The following DOCK8 variants were observed in gnomAD, a reference collection of about 807,000 sequenced individuals.
DOCK8 encodes the protein dedicator of cytokinesis protein 8.
In DOCK8, 141 loss-of-function variants were observed where a neutral mutation model predicts 245.6. The ratio of observed to expected loss-of-function variants is 0.57; its 90% confidence interval spans 0.50 to 0.66. DOCK8 has a LOEUF of 0.66. Ranked by LOEUF, DOCK8 falls within the 30% of genes least tolerant of loss-of-function variation. DOCK8 has a pLI of 0.00. For synonymous variants in DOCK8, 1,168 were observed against 970.2 expected, an observed-to-expected ratio of 1.20 and a Z score of -3.79; for missense variants, 2,965 against 2,603.4, an observed-to-expected ratio of 1.14 and a Z score of -3.02.
intron 4 of DOCK8, among the ~76,000 whole-genome samples, chr9:301,658 A>G (rs1452319456): frequency 6.6e-6 from 1 of 152,264 alleles, no homozygotes; most frequent in Non-Finnish European, 1.5e-5. Context: ...AAGTTTCAGG[A>G]TACAAAATCA....
At position 289,462 on chromosome 9, in the gene DOCK8, T is replaced by C. The variant is rs756468984; in HGVS notation, c.333-48T>C. The stretch of plus-strand genomic sequence containing the variant: ...TTGCTCATGATTAGGGGTTGTTTTG[T>C]TGTTTTACCCAGTAATAACGTGTTT... On this transcript the variant is annotated intron_variant, in intron 3 of 47. Coordinates refer to ENST00000432829, the MANE Select transcript of DOCK8 (RefSeq NM_203447.4). 15 of 1,489,350 alleles carry C rather than the reference T, an allele frequency of 1.0e-5. No homozygotes were observed. In the East Asian group the frequency reaches 3.4e-4, roughly 34 times the overall value. The allele number at this position is 1,489,350 out of a possible 1,614,324, so 92.3% of individuals were successfully genotyped here. A position where few individuals can be genotyped will look rare whatever the true frequency, so the allele number is the denominator to read the frequency against.
intron 7 of DOCK8, among the ~76,000 whole-genome samples, chr9:318,979 G>A (rs559895286): frequency 1.3e-5 from 2 of 152,316 alleles, no homozygotes; most frequent in African/African-American, 4.8e-5. Context: ...TGGTCACTAA[G>A]AGAGATATGT....
chr9:237,287 G>C (rs2047275282), intron 1 of DOCK8, among the ~76,000 whole-genome samples: 1 of 152,246 alleles, frequency 6.6e-6, no homozygotes. Flanking sequence ...GAGGAGACAA[G>C]AAGAATACAA....
chr9:306,904 T>G (rs916714770), intron 5 of DOCK8, among the ~76,000 whole-genome samples: 2 of 152,130 alleles, frequency 1.3e-5, no homozygotes, highest in Non-Finnish European at 2.9e-5. Flanking sequence ...GCTGGTGGTG[T>G]TGTCTCAAGA....
At chr9:347,342 A>G (rs2051942694) in intron 14 of DOCK8, among the ~76,000 whole-genome samples, 2 of 151,988 alleles carry the variant, frequency 1.3e-5, no homozygotes, top group African/African-American at 2.4e-5. Context: ...TGTCTCTACA[A>G]CAACAACAAA....
chr9:255,939 T>C lies in DOCK8; in HGVS notation c.54-15688T>C, dbSNP rs567307770. ...CCTGCTTGATCCGTAATTCAGGCCA[T>C]ACGATTTCACCAAAACAAATATCCT... On this transcript the variant is annotated intron_variant, in intron 1 of 47. Coordinates refer to ENST00000432829, the MANE Select transcript of DOCK8 (RefSeq NM_203447.4). Among the ~76,000 whole-genome samples the C allele has an allele frequency of 2.0e-5, 3 of 152,302 alleles. No homozygotes were observed. In the South Asian group the frequency reaches 6.2e-4, roughly 32 times the overall value.
Position 398,294 on chromosome 9 carries a change from T to C in DOCK8, c.3121-852T>C, listed in dbSNP as rs2054558684. Among the ~76,000 whole-genome samples the C allele has an allele frequency of 2.6e-5, 4 of 152,334 alleles. No individual in the cohort carries two copies. The South Asian group carries it at 8.3e-4, about 32-fold the overall frequency. On this transcript the variant is annotated intron_variant, in intron 25 of 47. Coordinates refer to ENST00000432829, the MANE Select transcript of DOCK8 (RefSeq NM_203447.4). ...AGAATGCGGAGAGAGTTCGAGGACC[T>C]CTCAGCGGCACGGTAGCAACCTCTT...
chr9:234,952 C>G (rs527390915), intron 1 of DOCK8, among the ~76,000 whole-genome samples: 1 of 152,322 alleles, frequency 6.6e-6, no homozygotes, highest in East Asian at 1.9e-4. Flanking sequence ...AGCTGCGTTC[C>G]TTTGCAGGAG....
At chr9:359,062 G>A (rs1336737977) in intron 14 of DOCK8, among the ~76,000 whole-genome samples, 1 of 152,186 alleles carries the variant, frequency 6.6e-6, no homozygotes, top group African/African-American at 2.4e-5. Flanking sequence ...CAGGTCCATG[G>A]TGCATTTCTA....
intron 16 of DOCK8, 68 bp from the exon 17 acceptor site, chr9:371,360 C>T (rs569474557): frequency 4.4e-6 from 7 of 1,582,882 alleles, no homozygotes; most frequent in Middle Eastern, 1.9e-4. Flanking sequence ...GGGGCTGTGG[C>T]GTTTTACAAT....
intron 5 of DOCK8, among the ~76,000 whole-genome samples, chr9:305,365 C>T (rs977586573): frequency 3.3e-5 from 5 of 151,864 alleles, no homozygotes; most frequent in South Asian, 2.1e-4. Context: ...TCACTGCAAG[C>T]TCCGCCTCCC....
chr9:266,155 G>T (rs2048030216), intron 1 of DOCK8, among the ~76,000 whole-genome samples: 1 of 152,098 alleles, frequency 6.6e-6, no homozygotes, highest in African/African-American at 2.4e-5. Flanking sequence ...CAGAAATCTT[G>T]TTTTAAAAGC....
At chr9:313,305 A>G (rs10813240) in intron 6 of DOCK8, among the ~76,000 whole-genome samples, 7,018 of 152,302 alleles carry the variant, frequency 0.046, 178 homozygotes, top group Middle Eastern at 0.068. Flanking sequence ...GATTGTGCTC[A>G]TTTTGTAACT....
intron 33 of DOCK8, among the ~76,000 whole-genome samples, chr9:425,492 A>C (rs1005510891): frequency 1.5e-4 from 21 of 141,016 alleles, no homozygotes; most frequent in African/African-American, 4.3e-4. Context: ...AGATTGCGCC[A>C]CTGCACTCTG....
intron 30 of DOCK8, chr9:420,152 C>G: frequency 1.8e-6 from 1 of 554,476 alleles, no homozygotes; most frequent in South Asian, 2.0e-5. Context: ...AGATACGTGG[C>G]TGAAAGCCTA....
At chr9:219,262 G>A (rs533771402) in intron 1 of DOCK8, among the ~76,000 whole-genome samples, 5 of 152,222 alleles carry the variant, frequency 3.3e-5, no homozygotes, top group Admixed American at 3.3e-4. Flanking sequence ...CTGAGGTCAG[G>A]AGTTCAAGAC....
At chr9:257,284 A>G (rs935595957) in intron 1 of DOCK8, among the ~76,000 whole-genome samples, 1 of 152,228 alleles carries the variant, frequency 6.6e-6, no homozygotes, top group Non-Finnish European at 1.5e-5. Context: ...GGTATCATTA[A>G]ATGGATGTCT....
At chr9:368,356 T>C in intron 15 of DOCK8, 2 of 715,526 alleles carry the variant, frequency 2.8e-6, no homozygotes, top group South Asian at 2.9e-5. Context: ...GCTTGGAACA[T>C]ACAGATCATT....
At chr9:295,317 G>A (rs2049212914) in intron 4 of DOCK8, among the ~76,000 whole-genome samples, 1 of 152,172 alleles carries the variant, frequency 6.6e-6, no homozygotes, top group South Asian at 2.1e-4. Flanking sequence ...AAGGACACGG[G>A]AGTGCCCTTT....
Sources: gnomAD v4.1 joint callset for allele counts (sites outside exome capture counted in the v4.1 genomes callset) on GRCh38, gnomAD v4.1.1 for gene constraint, MANE v1.5 for transcripts, NCBI Gene and HGNC (gene_info 2026-07-23, HGNC 2026-07-21) for gene names.